The following N4BP2 variants were observed in gnomAD, a reference collection of about 807,000 sequenced individuals.
The protein encoded by N4BP2 is NEDD4-binding protein 2.
N4BP2 carries 91 observed loss-of-function variants against 152.8 expected under a neutral mutation model. The observed-to-expected ratio is 0.60, with a 90% CI of 0.50 to 0.71. N4BP2 has a LOEUF of 0.71. Among genes scored for constraint, N4BP2 ranks in the 30% least tolerant of loss-of-function variants. The pLI is 0.00. For missense variants in N4BP2, 1,923 were observed against 2,059.1 expected, an observed-to-expected ratio of 0.93 and a Z score of 1.28; for synonymous variants, 646 against 705.3, an observed-to-expected ratio of 0.92 and a Z score of 1.33.
intron 1 of N4BP2, among the ~76,000 whole-genome samples, chr4:40,065,742 A>T (rs528983653): frequency 6.6e-6 from 1 of 152,246 alleles, no homozygotes; most frequent in East Asian, 1.9e-4. Context: ...AGTTCTTCCA[A>T]TGCAGGGATT....
the N4BP2 span, among the ~76,000 whole-genome samples, chr4:40,182,679 T>C: frequency 5.3e-5 from 8 of 151,822 alleles, no homozygotes; most frequent in African/African-American, 1.9e-4. Flanking sequence ...TTAATATATA[T>C]ATACATATGT....
At chr4:40,170,569 G>T in the N4BP2 span, among the ~76,000 whole-genome samples, 1 of 152,224 alleles carries the variant, frequency 6.6e-6, no homozygotes, top group African/African-American at 2.4e-5. Flanking sequence ...GAATCTGGGA[G>T]GTTGAGGCTG....
At chr4:40,146,696 CAT>C (rs943789272) in intron 16 of N4BP2, among the ~76,000 whole-genome samples, 2 of 152,112 alleles carry the variant, frequency 1.3e-5, no homozygotes, top group African/African-American at 4.8e-5. Flanking sequence ...GACTTACTCT[CAT>C]AGCAAATTTC....
chr4:40,154,179 C>T lies in N4BP2; in HGVS notation c.5268-13C>T, dbSNP rs1280311509. On this transcript the variant is annotated splice_polypyrimidine_tract_variant and intron_variant, in intron 17 of 17. Coordinates refer to ENST00000261435, the MANE Select transcript of N4BP2 (RefSeq NM_018177.6). The stretch of plus-strand genomic sequence containing the variant: ...TTTTCATCTTTAAAATAACTCTTTT[C>T]TCATTTCTGCAGGTTCTCTGAAATT... 2 of 1,589,228 alleles carry T rather than the reference C, an allele frequency of 1.3e-6. No homozygotes were observed. The highest frequency in any genetic ancestry group is 1.7e-5 in the Admixed American group (1 of 57,518).
At chr4:40,058,175 T>G (rs1249979562) in intron 1 of N4BP2, among the ~76,000 whole-genome samples, 1 of 152,236 alleles carries the variant, frequency 6.6e-6, no homozygotes, top group Admixed American at 6.5e-5. Context: ...CATCAGCCTT[T>G]TCACTCCGTT....
At chr4:40,171,850 T>C in the N4BP2 span, among the ~76,000 whole-genome samples, 1 of 152,156 alleles carries the variant, frequency 6.6e-6, no homozygotes, top group Non-Finnish European at 1.5e-5. Context: ...TGGAGTCTGA[T>C]GTTCGAGGGC....
intron 16 of N4BP2, among the ~76,000 whole-genome samples, 181 bp from the exon 17 acceptor site, chr4:40,152,599 T>A (rs1034294200): frequency 6.6e-6 from 1 of 152,226 alleles, no homozygotes; most frequent in Non-Finnish European, 1.5e-5. Flanking sequence ...ACATACATCT[T>A]AAAACATTAA....
intron 1 of N4BP2, among the ~76,000 whole-genome samples, chr4:40,065,167 A>C (rs1733948210): frequency 6.6e-6 from 1 of 152,188 alleles, no homozygotes; most frequent in Non-Finnish European, 1.5e-5. Context: ...GGTGGATTAG[A>C]GTGGAAGAAG....
chr4:40,178,676 A>G, the N4BP2 span, among the ~76,000 whole-genome samples: 2 of 152,244 alleles, frequency 1.3e-5, no homozygotes, highest in African/African-American at 4.8e-5. Context: ...GCCCAGGACA[A>G]AACAAAGTTT....
chr4:40,078,048 TAAAA>T (rs1301493941), intron 2 of N4BP2: 3 of 151,962 alleles, frequency 2.0e-5, no homozygotes, highest in East Asian at 3.9e-4. Flanking sequence ...AGAAAATACT[TAAAA>T]AAATGCAGCT....
At position 40,108,366 on chromosome 4, in the gene N4BP2, G is replaced by A. The variant is rs774336579; in HGVS notation, c.1498+1342G>A. Among the ~76,000 whole-genome samples, 7 of 152,092 alleles carry A rather than the reference G, an allele frequency of 4.6e-5. No homozygotes were observed. The East Asian group carries it at 5.8e-4, about 13-fold the overall frequency. On this transcript the variant is annotated intron_variant, in intron 5 of 17. Coordinates refer to ENST00000261435, the MANE Select transcript of N4BP2 (RefSeq NM_018177.6). Reference sequence around the variant, plus strand: ...CTTGCTTTGTTGCCCAGGCTGGAGCGCAGTGGCGTGATCTCGGCTCAGTGC... The same window carrying A: ...CTTGCTTTGTTGCCCAGGCTGGAGCACAGTGGCGTGATCTCGGCTCAGTGC...
intron 3 of N4BP2, among the ~76,000 whole-genome samples, chr4:40,098,350 A>C (rs1715289475): frequency 6.6e-6 from 1 of 152,192 alleles, no homozygotes; most frequent in Non-Finnish European, 1.5e-5. Flanking sequence ...TGTGCTTCAT[A>C]GGACTTTTTT....
At chr4:40,069,267 G>A (rs2109894585) in intron 1 of N4BP2, among the ~76,000 whole-genome samples, 1 of 151,572 alleles carries the variant, frequency 6.6e-6, no homozygotes, top group East Asian at 1.9e-4. Flanking sequence ...GTGAAACTCC[G>A]TTTCTACAAA....
intron 1 of N4BP2, among the ~76,000 whole-genome samples, chr4:40,057,643 A>G (rs28492984): frequency 0.014 from 2,080 of 152,008 alleles, 49 homozygotes; most frequent in African/African-American, 0.047. Flanking sequence ...TTGTCCCTCA[A>G]TGGGACCCTT....
rs752068236 is a variant in N4BP2 at position 40,136,940 on chromosome 4, A to G, written c.4647-4A>G. On this transcript the variant is annotated splice_region_variant and splice_polypyrimidine_tract_variant and intron_variant, in intron 13 of 17. Coordinates refer to ENST00000261435, the MANE Select transcript of N4BP2 (RefSeq NM_018177.6). ...CATTATGTTTCTACTTAAATTTTCT[A>G]CAGCTATTCATTAGAACACACAGTG... 8 of 1,597,048 alleles carry G rather than the reference A, an allele frequency of 5.0e-6. No homozygotes were observed. The Admixed American group carries it at 8.6e-5, about 17-fold the overall frequency.
intron 12 of N4BP2, among the ~76,000 whole-genome samples, chr4:40,130,055 T>G (rs1718779970): frequency 6.6e-6 from 1 of 151,310 alleles, no homozygotes; most frequent in African/African-American, 2.4e-5. Flanking sequence ...TTTTAATTTA[T>G]TTTTTTTTGA....
In N4BP2 at chr4:40,113,492, C is replaced by G. The variant is rs887364000; in HGVS notation, c.1648C>G (p.Pro550Ala). 1 of 1,612,862 alleles carries G rather than the reference C, an allele frequency of 6.2e-7. No individual in the cohort carries two copies. Among genetic ancestry groups the G allele is most frequent in the Non-Finnish European group, 8.5e-7 (1 of 1,179,192 alleles). ...ACCAGACACATGGTGGAAGTTTAAACCAAAGGAACTTGCAAGGTAAAACTT... is the reference window on the plus strand; with the variant it reads ...ACCAGACACATGGTGGAAGTTTAAAGCAAAGGAACTTGCAAGGTAAAACTT... ...REPDTWWKFKPKELARRNIHG... is the reference protein window; with the variant it reads ...REPDTWWKFKAKELARRNIHG... Residue 550 changes from proline (P) to alanine (A), a missense_variant, in exon 7 of 18, where the codon CCA becomes GCA. Pro to Ala is a conservative substitution (Grantham distance 27). Transcript: ENST00000261435.
At chr4:40,085,857 G>T (rs566777939) in intron 2 of N4BP2, among the ~76,000 whole-genome samples, 26 of 152,222 alleles carry the variant, frequency 1.7e-4, no homozygotes, top group African/African-American at 6.0e-4. Context: ...TTTTCTAGTT[G>T]TTGGTATAAA....
At chr4:40,143,259 A>G (rs1256189208) in intron 15 of N4BP2, among the ~76,000 whole-genome samples, 1 of 152,170 alleles carries the variant, frequency 6.6e-6, no homozygotes, top group Non-Finnish European at 1.5e-5. Context: ...TTTTTTGGGA[A>G]GTAAAATTTC....
Sources: gnomAD v4.1 joint callset for allele counts (sites outside exome capture counted in the v4.1 genomes callset) on GRCh38, gnomAD v4.1.1 for gene constraint, MANE v1.5 for transcripts, NCBI Gene and HGNC (gene_info 2026-07-23, HGNC 2026-07-21) for gene names.